Variants in PLPPR1 observed in about 807,000 individuals in gnomAD.
PLPPR1 encodes the protein phospholipid phosphatase-related protein type 1.
Under a neutral mutation model 33.1 loss-of-function variants are expected in PLPPR1, and 10 were observed. That is an observed-to-expected ratio of 0.30 (90% CI 0.19 to 0.51). The LOEUF is 0.51. Ranked by LOEUF, PLPPR1 falls within the 20% of genes least tolerant of loss-of-function variation. PLPPR1 has a pLI of 0.97. For synonymous variants in PLPPR1, 151 were observed against 151.0 expected (o/e 1.00, Z 0.00); for missense variants, 304 against 408.1 (o/e 0.74, Z 2.20).
chr9:101,237,230 A>G (rs1008411878), intron 2 of PLPPR1, among the ~76,000 whole-genome samples: 14 of 151,878 alleles, frequency 9.2e-5, no homozygotes, highest in Admixed American at 7.2e-4. Flanking sequence ...GGGAATGTAA[A>G]TTAGTACAGC....
At chr9:101,128,020 A>G (rs1356797193) in intron 1 of PLPPR1, among the ~76,000 whole-genome samples, 12 of 152,232 alleles carry the variant, frequency 7.9e-5, no homozygotes, top group African/African-American at 2.9e-4. Context: ...GGTAAGGATT[A>G]AGGTTAACAG....
At chr9:101,206,048 C>T (rs1431435692) in intron 2 of PLPPR1, among the ~76,000 whole-genome samples, 3 of 152,150 alleles carry the variant, frequency 2.0e-5, no homozygotes, top group African/African-American at 7.2e-5. Flanking sequence ...TATACCATCA[C>T]AGTGCCCCAA....
chr9:101,305,653 T>C lies in PLPPR1; in HGVS notation c.386-3558T>C, dbSNP rs575320735. Among the ~76,000 whole-genome samples, 10 of 152,286 alleles carry C rather than the reference T, an allele frequency of 6.6e-5. No homozygotes were observed. In the South Asian group the frequency reaches 2.1e-3, roughly 32 times the overall value. ...GACAGCACTGAGCAGTCTGGTTCTG[T>C]ACTTTTCCCAGTTCTGAAGGGATCC... On this transcript the variant is annotated intron_variant, in intron 4 of 7. Transcript: ENST00000374874.
At chr9:101,261,859 G>A (rs1827904962) in intron 2 of PLPPR1, among the ~76,000 whole-genome samples, 1 of 152,010 alleles carries the variant, frequency 6.6e-6, no homozygotes, top group African/African-American at 2.4e-5. Flanking sequence ...AGAGGATCAG[G>A]AAAAATAATG....
chr9:101,105,957 G>A (rs1227629919), intron 1 of PLPPR1, among the ~76,000 whole-genome samples: 7 of 147,414 alleles, frequency 4.7e-5, no homozygotes, highest in Non-Finnish European at 7.5e-5. Context: ...TTTTATCAGA[G>A]ACTAGGATTG....
chr9:101,095,073 T>TATAGTTGTC (rs540739138), intron 1 of PLPPR1, among the ~76,000 whole-genome samples: 2 of 152,318 alleles, frequency 1.3e-5, no homozygotes, highest in African/African-American at 4.8e-5. Flanking sequence ...TCAGTGTTTA[T>TATAGTTGTC]ATAGTTGTCT....
chr9:101,308,993 C>T (rs571133929), intron 4 of PLPPR1, among the ~76,000 whole-genome samples: 7 of 152,130 alleles, frequency 4.6e-5, no homozygotes, highest in African/African-American at 1.4e-4. Flanking sequence ...TCTAAACTAC[C>T]GATACAAAAC....
rs116269345 is a variant in PLPPR1, at chr9:101,055,314, A to G, written c.-46+26212A>G. 0.011 allele frequency among the ~76,000 whole-genome samples: 1,617 copies of G among 152,332 alleles called. 65 individuals are homozygous for G. In the East Asian group the frequency reaches 0.14, roughly 13 times the overall value. Reference sequence around the variant, plus strand: ...AGCATTCTTTTGATACCCACCTAATAAAGACAATCTCTAAAACCAAATAAT... The same window carrying G: ...AGCATTCTTTTGATACCCACCTAATGAAGACAATCTCTAAAACCAAATAAT... On this transcript the variant is annotated intron_variant, in intron 1 of 7. Coordinates refer to ENST00000374874, the MANE Select transcript of PLPPR1 (RefSeq NM_207299.2).
At chr9:101,050,753 CT>C (rs1830212709) in intron 1 of PLPPR1, among the ~76,000 whole-genome samples, 1 of 152,132 alleles carries the variant, frequency 6.6e-6, no homozygotes, top group Admixed American at 6.5e-5. Context: ...ATCTTGATGC[CT>C]ATTAATAGCA....
chr9:101,223,196 C>T (rs1449799639), intron 2 of PLPPR1, among the ~76,000 whole-genome samples: 2 of 148,852 alleles, frequency 1.3e-5, no homozygotes, highest in Admixed American at 6.7e-5. Flanking sequence ...TTTAGCTGGG[C>T]ACCATGGGAT....
intron 1 of PLPPR1, among the ~76,000 whole-genome samples, chr9:101,071,727 A>C (rs551313102): frequency 1.3e-5 from 2 of 152,252 alleles, no homozygotes; most frequent in African/African-American, 4.8e-5. Context: ...AAGAAATATA[A>C]AGTTTAGAAA....
chr9:101,259,147 G>A (rs538639938), intron 2 of PLPPR1, among the ~76,000 whole-genome samples: 1 of 152,166 alleles, frequency 6.6e-6, no homozygotes, highest in Non-Finnish European at 1.5e-5. Flanking sequence ...GACACTGGAG[G>A]AAGGAAGTAC....
intron 4 of PLPPR1, 32 bp from the exon 5 acceptor site, chr9:101,309,179 A>T: frequency 6.2e-7 from 1 of 1,612,330 alleles, no homozygotes; most frequent in Non-Finnish European, 8.5e-7. Context: ...AGAGTATGTT[A>T]CCATTCCTAA....
chr9:101,225,813 A>G (rs1827055795), intron 2 of PLPPR1, among the ~76,000 whole-genome samples: 1 of 138,800 alleles, frequency 7.2e-6, no homozygotes. Context: ...GATCTGGTGG[A>G]TCATTAAGAT....
At chr9:101,213,604 C>A (rs1010020404) in intron 2 of PLPPR1, among the ~76,000 whole-genome samples, 2 of 152,112 alleles carry the variant, frequency 1.3e-5, no homozygotes, top group African/African-American at 4.8e-5. Context: ...CCTATGACCA[C>A]CTGAGTCTTT....
At chr9:101,157,320 C>T (rs1831709107) in intron 1 of PLPPR1, among the ~76,000 whole-genome samples, 1 of 152,102 alleles carries the variant, frequency 6.6e-6, no homozygotes, top group Non-Finnish European at 1.5e-5. Flanking sequence ...CAAGGTTTCA[C>T]TAAGTAAGAT....
intron 1 of PLPPR1, among the ~76,000 whole-genome samples, chr9:101,133,236 TTTAATA>T (rs779806123): frequency 1.1e-4 from 17 of 152,352 alleles, no homozygotes; most frequent in Non-Finnish European, 1.8e-4. Context: ...GATCTTATAC[TTTAATA>T]TTATTTTCTT....
intron 1 of PLPPR1, among the ~76,000 whole-genome samples, chr9:101,108,658 G>A: frequency 6.6e-6 from 1 of 152,120 alleles, no homozygotes; most frequent in East Asian, 1.9e-4. Context: ...CAATAGCATT[G>A]TAATTCAGTT....
intron 1 of PLPPR1, among the ~76,000 whole-genome samples, chr9:101,063,523 T>G (rs1160469408): frequency 6.6e-6 from 1 of 152,038 alleles, no homozygotes; most frequent in East Asian, 1.9e-4. Context: ...GAAAGCCACT[T>G]CTCTAATTCA....
Sources: gnomAD v4.1 joint callset for allele counts (sites outside exome capture counted in the v4.1 genomes callset) on GRCh38, gnomAD v4.1.1 for gene constraint, MANE v1.5 for transcripts, NCBI Gene and HGNC (gene_info 2026-07-23, HGNC 2026-07-21) for gene names.